The following GDAP1 variants were observed in gnomAD, a reference collection of about 807,000 sequenced individuals.
GDAP1 encodes ganglioside induced differentiation associated protein 1.
A neutral mutation model predicts 40.1 loss-of-function variants in GDAP1; 34 were observed. That is an observed-to-expected ratio of 0.85 (90% CI 0.64 to 1.13). GDAP1 has a LOEUF of 1.13. Ranked by LOEUF, GDAP1 falls within the 50% of genes most tolerant of loss-of-function variation. The pLI is 0.00. For synonymous variants in GDAP1, 170 were observed against 157.4 expected (o/e 1.08, Z -0.60); for missense variants, 374 against 433.7 (o/e 0.86, Z 1.22).
chr8:74,400,933 G>A (rs1810320173), intron 2 of GDAP1, among the ~76,000 whole-genome samples: 1 of 149,902 alleles, frequency 6.7e-6, no homozygotes, highest in African/African-American at 2.6e-5. Flanking sequence ...CTGTTAGTCT[G>A]ATGGGCTTCC....
At chr8:74,356,923 C>T (rs1053617902) in intron 2 of GDAP1, among the ~76,000 whole-genome samples, 19 of 151,820 alleles carry the variant, frequency 1.3e-4, no homozygotes, top group African/African-American at 4.6e-4. Flanking sequence ...CCATGTTGGC[C>T]GGGATGGTCT....
In GDAP1 at chr8:74,479,134, T is replaced by C. The variant is rs138192456; in HGVS notation, c.166-9544T>C. ...AATGCCGAAATTTTTTTCTAAGCAA[T>C]GTTTTAGCTGCACTTTACAGACCTT... On this transcript the variant is annotated intron_variant, in intron 2 of 2. Coordinates refer to the GDAP1 transcript ENST00000523640. 5.0e-3 allele frequency among the ~76,000 whole-genome samples: 762 copies of C among 152,336 alleles called. 4 individuals are homozygous for C. Among genetic ancestry groups the C allele is most frequent in the African/African-American group, 0.018 (732 of 41,578 alleles).
intron 2 of GDAP1, among the ~76,000 whole-genome samples, chr8:74,403,826 C>G (rs1384637576): frequency 2.7e-5 from 4 of 150,152 alleles, no homozygotes; most frequent in Admixed American, 6.6e-5. Flanking sequence ...TAAGACTCAA[C>G]TGAGATTTAA....
intron 2 of GDAP1, among the ~76,000 whole-genome samples, chr8:74,399,761 G>A (rs552631719): frequency 8.0e-4 from 96 of 120,536 alleles, no homozygotes; most frequent in African/African-American, 3.4e-3. Context: ...CTTTGTTCTC[G>A]TTGGTTTCAA....
intron 2 of GDAP1, among the ~76,000 whole-genome samples, chr8:74,468,326 T>C (rs1806499800): frequency 6.6e-6 from 1 of 152,154 alleles, no homozygotes; most frequent in South Asian, 2.1e-4. Flanking sequence ...ATTTCATATA[T>C]ACATTAAGTA....
chr8:74,485,148 C>T (rs758976834), intron 2 of GDAP1, among the ~76,000 whole-genome samples: 1 of 152,034 alleles, frequency 6.6e-6, no homozygotes, highest in South Asian at 2.1e-4. Flanking sequence ...AAATATTACC[C>T]ATATCCCTCT....
At position 74,350,419 on chromosome 8, in the gene GDAP1, C is replaced by G; in HGVS notation, c.-43C>G. ...CGGGGCAGTGTGGGAGGGAGAAGTC[C>G]AGGGCGGACAGGCTGGGCGCACCCG... is the stretch of plus-strand genomic sequence containing the variant. On this transcript the variant is annotated 5_prime_UTR_variant, in exon 1 of 6. Coordinates refer to ENST00000220822, the MANE Select transcript of GDAP1 (RefSeq NM_018972.4). 8.0e-7 allele frequency: 1 copy of G among 1,243,326 alleles called. No individual in the cohort carries two copies. The highest frequency in any genetic ancestry group is 1.2e-5 in the South Asian group (1 of 83,820). 77.0% of individuals were successfully genotyped at this position (1,243,326 alleles called of 1,614,324 possible).
chr8:74,472,245 T>C (rs962559772), intron 2 of GDAP1, among the ~76,000 whole-genome samples: 1 of 152,250 alleles, frequency 6.6e-6, no homozygotes, highest in Non-Finnish European at 1.5e-5. Flanking sequence ...ACTACCTCTA[T>C]GTCCCTGCAA....
At chr8:74,381,013 T>C (rs1257609076) in intron 2 of GDAP1, among the ~76,000 whole-genome samples, 1 of 151,650 alleles carries the variant, frequency 6.6e-6, no homozygotes, top group Non-Finnish European at 1.5e-5. Context: ...TGCCTGGGGA[T>C]TGGAGTAGGT....
At chr8:74,479,942 C>T (rs1242812385) in intron 2 of GDAP1, among the ~76,000 whole-genome samples, 1 of 151,872 alleles carries the variant, frequency 6.6e-6, no homozygotes, top group East Asian at 1.9e-4. Context: ...TAGGCTATTC[C>T]CAGTTCCCAT....
intron 4 of GDAP1, among the ~76,000 whole-genome samples, chr8:74,362,565 C>G (rs1170317671): frequency 2.0e-5 from 3 of 152,162 alleles, no homozygotes; most frequent in Admixed American, 6.5e-5. Flanking sequence ...CTCCTTCACT[C>G]GGACTTCTTA....
chr8:74,352,534 G>A (rs540576636), intron 2 of GDAP1, among the ~76,000 whole-genome samples: 1 of 152,346 alleles, frequency 6.6e-6, no homozygotes, highest in African/African-American at 2.4e-5. Flanking sequence ...CCTAGATGGT[G>A]GGCAGTGGCG....
chr8:74,455,310 A>G (rs1269976195), intron 2 of GDAP1, among the ~76,000 whole-genome samples: 1 of 151,956 alleles, frequency 6.6e-6, no homozygotes, highest in Non-Finnish European at 1.5e-5. Flanking sequence ...GTCTGAGGGC[A>G]TTTTAAAAAC....
chr8:74,359,136 A>G (rs1178805455), intron 2 of GDAP1, among the ~76,000 whole-genome samples: 2 of 152,220 alleles, frequency 1.3e-5, no homozygotes, highest in African/African-American at 4.8e-5. Context: ...GGTATAATCA[A>G]AGAGAACATT....
At chr8:74,350,921 T>C (rs1448109156) in intron 1 of GDAP1, among the ~76,000 whole-genome samples, 1 of 152,248 alleles carries the variant, frequency 6.6e-6, no homozygotes, top group African/African-American at 2.4e-5. Context: ...TCTCTTCTTT[T>C]GCTCTCTCGC....
At chr8:74,406,986 T>G (rs1161863518) in intron 2 of GDAP1, among the ~76,000 whole-genome samples, 1 of 149,896 alleles carries the variant, frequency 6.7e-6, no homozygotes, top group Non-Finnish European at 1.5e-5. Context: ...ATTCTTAGAA[T>G]CACCAGAATA....
intron 2 of GDAP1, among the ~76,000 whole-genome samples, chr8:74,487,911 C>G (rs1165115773): frequency 6.6e-6 from 1 of 152,086 alleles, no homozygotes; most frequent in Non-Finnish European, 1.5e-5. Context: ...TAAGAAGTTA[C>G]ATCTTGATCC....
intron 3 of GDAP1, among the ~76,000 whole-genome samples, chr8:74,361,301 C>G (rs972499305): frequency 1.3e-5 from 2 of 152,208 alleles, no homozygotes; most frequent in Non-Finnish European, 2.9e-5. Context: ...GGCGGAGCAG[C>G]AAGCCTGCAC....
intron 2 of GDAP1, among the ~76,000 whole-genome samples, chr8:74,436,451 C>G (rs975395143): frequency 1.0e-4 from 14 of 137,006 alleles, no homozygotes; most frequent in African/African-American, 3.6e-4. Context: ...GAGACGGAGT[C>G]TCACTCTGTT....
Sources: gnomAD v4.1 joint callset for allele counts (sites outside exome capture counted in the v4.1 genomes callset) on GRCh38, gnomAD v4.1.1 for gene constraint, MANE v1.5 for transcripts, NCBI Gene and HGNC (gene_info 2026-07-23, HGNC 2026-07-21) for gene names.